LRMDA: variants seen among roughly 807,000 people sequenced by gnomAD.
LRMDA encodes leucine-rich melanocyte differentiation-associated protein.
Under a neutral mutation model 29.8 loss-of-function variants are expected in LRMDA, and 18 were observed. The observed-to-expected ratio is 0.60, with a 90% CI of 0.42 to 0.90. LRMDA has a LOEUF of 0.90. Ranked by LOEUF, LRMDA falls within the 40% of genes least tolerant of loss-of-function variation. The probability of loss-of-function intolerance (pLI) is 0.00; values close to 1 mark genes in which losing one functional copy is unlikely to be tolerated. For synonymous variants in LRMDA, 125 were observed against 109.4 expected (o/e 1.14, Z -0.89); for missense variants, 273 against 273.9 (o/e 1.00, Z 0.02).
At chr10:76,468,585 G>A (rs898790973) in intron 6 of LRMDA, among the ~76,000 whole-genome samples, 4 of 152,114 alleles carry the variant, frequency 2.6e-5, no homozygotes, top group Admixed American at 2.6e-4. Flanking sequence ...TTTTTCACAT[G>A]AGGGATGATT....
At chr10:75,563,565 G>A (rs1217895758) in intron 2 of LRMDA, among the ~76,000 whole-genome samples, 10 of 152,164 alleles carry the variant, frequency 6.6e-5, no homozygotes, top group African/African-American at 2.4e-4. Context: ...TTGTTCCGTT[G>A]CTGGTGAGGA....
At chr10:75,706,228 A>G (rs890073259) in intron 2 of LRMDA, among the ~76,000 whole-genome samples, 2 of 149,436 alleles carry the variant, frequency 1.3e-5, no homozygotes, top group Non-Finnish European at 3.0e-5. Context: ...TATGGACTAT[A>G]TAGTTTTCTC....
intron 2 of LRMDA, among the ~76,000 whole-genome samples, chr10:75,833,696 C>G (rs1055945832): frequency 6.6e-6 from 1 of 152,128 alleles, no homozygotes; most frequent in African/African-American, 2.4e-5. Flanking sequence ...TAATTTAAAT[C>G]AAGTATGAGT....
chr10:75,847,819 A>G (rs934406259), intron 2 of LRMDA, among the ~76,000 whole-genome samples: 7 of 152,210 alleles, frequency 4.6e-5, no homozygotes, highest in Admixed American at 6.5e-5. Context: ...CCTCTAAAAG[A>G]TTCATCACTA....
At chr10:76,370,093 G>A (rs1030892697) in intron 6 of LRMDA, among the ~76,000 whole-genome samples, 6 of 143,282 alleles carry the variant, frequency 4.2e-5, no homozygotes, top group African/African-American at 1.6e-4. Context: ...CAGATCATTT[G>A]CACCTTGAGG....
chr10:75,746,726 T>C (rs531549095), intron 2 of LRMDA, among the ~76,000 whole-genome samples: 2 of 152,250 alleles, frequency 1.3e-5, no homozygotes, highest in East Asian at 3.9e-4. Context: ...AGTGCTATTT[T>C]TGGGGGGGGA....
chr10:76,502,261 G>A (rs989281088), intron 6 of LRMDA, among the ~76,000 whole-genome samples: 2 of 151,686 alleles, frequency 1.3e-5, no homozygotes, highest in Non-Finnish European at 3.0e-5. Flanking sequence ...TGGGTACTGT[G>A]GCTTTACAAT....
At chr10:76,258,036 G>A (rs906332677) in intron 5 of LRMDA, among the ~76,000 whole-genome samples, 1 of 152,216 alleles carries the variant, frequency 6.6e-6, no homozygotes, top group African/African-American at 2.4e-5. Flanking sequence ...ATTTGTTAAT[G>A]ACTCATTGGA....
intron 2 of LRMDA, among the ~76,000 whole-genome samples, chr10:75,974,060 A>T (rs1278541596): frequency 6.6e-6 from 1 of 152,146 alleles, no homozygotes; most frequent in Non-Finnish European, 1.5e-5. Context: ...TACAAACAAC[A>T]CATTTTTCAC....
intron 5 of LRMDA, among the ~76,000 whole-genome samples, chr10:76,182,668 G>A (rs1589366726): frequency 6.6e-6 from 1 of 152,194 alleles, no homozygotes; most frequent in Non-Finnish European, 1.5e-5. Context: ...ATGGAAAAAT[G>A]TCTGGTGTCC....
At chr10:76,254,358 C>CCTATGCTATGCTATGCTATGCTATG (rs56303431) in intron 5 of LRMDA, among the ~76,000 whole-genome samples, 1,822 of 131,382 alleles carry the variant, frequency 0.014, 55 homozygotes, top group Admixed American at 0.02. Context: ...CCTATCCTAT[C>CCTATGCTATGCTATGCTATGCTATG]CTATGCTATG....
At chr10:75,678,753 AG>A (rs759470025) in intron 2 of LRMDA, among the ~76,000 whole-genome samples, 23 of 152,198 alleles carry the variant, frequency 1.5e-4, no homozygotes, top group Non-Finnish European at 3.1e-4. Flanking sequence ...ACTTCCAGTA[AG>A]TGACAGTCAA....
At chr10:75,944,262 G>A (rs1253519837) in intron 2 of LRMDA, among the ~76,000 whole-genome samples, 1 of 152,074 alleles carries the variant, frequency 6.6e-6, no homozygotes, top group African/African-American at 2.4e-5. Flanking sequence ...TTTCTTATGG[G>A]AAGTCAATTG....
intron 6 of LRMDA, among the ~76,000 whole-genome samples, chr10:76,370,274 C>A (rs1283090507): frequency 6.6e-6 from 1 of 151,946 alleles, no homozygotes; most frequent in Non-Finnish European, 1.5e-5. Context: ...AAAACCCATC[C>A]AGCTATAAAG....
chr10:76,427,652 T>C (rs2132279662), intron 6 of LRMDA, among the ~76,000 whole-genome samples: 1 of 152,022 alleles, frequency 6.6e-6, no homozygotes, highest in African/African-American at 2.4e-5. Flanking sequence ...TGAATAGGAG[T>C]GGTGAGAGAG....
chr10:75,628,771 G>C (rs955430513), intron 2 of LRMDA, among the ~76,000 whole-genome samples: 3 of 152,138 alleles, frequency 2.0e-5, no homozygotes, highest in Non-Finnish European at 4.4e-5. Context: ...TCACCCATTA[G>C]AACTGCTGTG....
intron 2 of LRMDA, among the ~76,000 whole-genome samples, chr10:75,694,698 G>A (rs944370706): frequency 2.6e-5 from 4 of 152,186 alleles, no homozygotes; most frequent in Admixed American, 6.5e-5. Flanking sequence ...TAGAAGCAGC[G>A]TCATGTGTAG....
At chr10:75,519,929 C>G (rs1054152064) in intron 2 of LRMDA, among the ~76,000 whole-genome samples, 1 of 152,294 alleles carries the variant, frequency 6.6e-6, no homozygotes, top group Non-Finnish European at 1.5e-5. Context: ...ATTTCTCCTT[C>G]ACTTATGAAG....
At chr10:75,889,486 A>G (rs1349665905) in intron 2 of LRMDA, among the ~76,000 whole-genome samples, 1 of 152,172 alleles carries the variant, frequency 6.6e-6, no homozygotes, top group African/African-American at 2.4e-5. Flanking sequence ...GGGGTATTGC[A>G]CTGTCAGTAA....
Sources: gnomAD v4.1 joint callset for allele counts (sites outside exome capture counted in the v4.1 genomes callset) on GRCh38, gnomAD v4.1.1 for gene constraint, MANE v1.5 for transcripts, NCBI Gene and HGNC (gene_info 2026-07-23, HGNC 2026-07-21) for gene names.